The following NAA38 variants were observed in gnomAD, a reference collection of about 807,000 sequenced individuals.
NAA38 encodes the protein N-alpha-acetyltransferase 38, NatC auxiliary subunit.
A neutral mutation model predicts 12.6 loss-of-function variants in NAA38; 15 were observed. The observed-to-expected ratio is 1.19, with a 90% confidence interval of 0.79 to 1.83. The LOEUF (loss-of-function observed/expected upper bound fraction) is 1.83, where lower values mean the gene tolerates loss of function less well. Among genes scored for constraint, NAA38 ranks in the 40% most tolerant of loss-of-function variants. The probability of loss-of-function intolerance (pLI) is 0.00; values close to 1 mark genes in which losing one functional copy is unlikely to be tolerated. For missense variants in NAA38, 183 were observed against 171.7 expected, an observed-to-expected ratio of 1.07 and a Z score of -0.37; for synonymous variants, 88 against 69.9, an observed-to-expected ratio of 1.26 and a Z score of -1.29.
chr17:7,883,833 CA>C (rs111435916), intron 1 of NAA38, among the ~76,000 whole-genome samples: 211 of 116,588 alleles, frequency 1.8e-3, no homozygotes, highest in Admixed American at 1.6e-3. Flanking sequence ...CTGAAGTATT[CA>C]AAAAAAAAAA....
Position 7,857,008 on chromosome 17 carries a change from C to A in NAA38, c.265+7G>T. 1.2e-6 allele frequency: 2 copies of A among 1,601,858 alleles called. No individual in the cohort carries two copies. The highest frequency in any genetic ancestry group is 1.7e-6 in the Non-Finnish European group (2 of 1,171,534). ...ACCAGGCGGGTGTGCATTCCCCGGG[C>A]ACTGACCCGACGGCTTGAGGAACTC... On this transcript the variant is annotated splice_region_variant and intron_variant, in intron 2 of 2. Transcript: ENST00000575771.
At chr17:7,881,249 G>C (rs1217383361) in intron 2 of NAA38, among the ~76,000 whole-genome samples, 3 of 137,282 alleles carry the variant, frequency 2.2e-5, no homozygotes, top group Non-Finnish European at 4.7e-5. Context: ...CCATAAGTAT[G>C]TACTACCTAT....
intron 2 of NAA38, among the ~76,000 whole-genome samples, chr17:7,879,529 G>A (rs1202319187): frequency 6.6e-6 from 1 of 151,508 alleles, no homozygotes; most frequent in African/African-American, 2.4e-5. Flanking sequence ...TCTTGCTTTT[G>A]CGTTAAATAA....
intron 3 of NAA38, among the ~76,000 whole-genome samples, chr17:7,866,290 A>C (rs1358911605): frequency 2.1e-5 from 1 of 47,734 alleles, no homozygotes; most frequent in Admixed American, 2.2e-4. Flanking sequence ...TGGTATTTTT[A>C]GTAGAGACGG....
upstream of NAA38, chr17:7,859,483 C>T (rs760060557): frequency 8.7e-6 from 14 of 1,614,138 alleles, no homozygotes; most frequent in East Asian, 2.9e-4. Flanking sequence ...AGAACCTGAA[C>T]ATGGATTTTA....
chr17:7,865,050 A>G (rs370677349), intron 3 of NAA38: 1 of 152,216 alleles, frequency 6.6e-6, no homozygotes, highest in East Asian at 1.9e-4. Flanking sequence ...GTACATACAC[A>G]TACCTATATA....
At chr17:7,884,847 A>C (rs1484050219) in intron 1 of NAA38, 2 of 1,049,036 alleles carry the variant, frequency 1.9e-6, no homozygotes, top group East Asian at 6.6e-5. Context: ...GAGGAGGAGG[A>C]GATGGTGGTG....
chr17:7,875,852 G>C (rs551859496), intron 2 of NAA38, among the ~76,000 whole-genome samples: 10 of 152,182 alleles, frequency 6.6e-5, no homozygotes, highest in Admixed American at 2.0e-4. Context: ...AGATCTACTA[G>C]TTGCCTATTC....
intron 3 of NAA38, chr17:7,864,210 C>T (rs918467328): frequency 1.3e-5 from 2 of 152,090 alleles, no homozygotes; most frequent in African/African-American, 2.4e-5. Context: ...TGATCTTTAT[C>T]CTGGAAGCCA....
chr17:7,857,733 G>C, upstream of NAA38: 1 of 1,284,070 alleles, frequency 7.8e-7, no homozygotes, highest in East Asian at 3.1e-5. Context: ...CTGGAATTTA[G>C]CGAGAATACA....
Position 7,866,129 on chromosome 17 carries a change from C to T in NAA38, c.3+362G>A, listed in dbSNP as rs564672412. ...TGAGACGGAGTCTCGCTCTGTTGCC[C>T]AGGCTGGAGTGCAGCGGCACGATCT... On this transcript the variant is annotated intron_variant, in intron 3 of 4. Transcript: ENST00000576861. The T allele has an allele frequency of 6.3e-3, 1,047 of 166,220 alleles. 6 individuals carry two copies. Among genetic ancestry groups the T allele is most frequent in the Non-Finnish European group, 9.4e-3 (740 of 78,908 alleles). The allele number at this position is 166,220 out of a possible 1,614,324, so 10.3% of individuals were successfully genotyped here.
upstream of NAA38, chr17:7,858,917 G>A (rs1407045998): frequency 4.2e-6 from 5 of 1,177,654 alleles, no homozygotes; most frequent in South Asian, 1.7e-5. Flanking sequence ...TTCCATAACC[G>A]GTGGGAGTGT....
intron 2 of NAA38, among the ~76,000 whole-genome samples, chr17:7,869,498 A>G (rs1967046951): frequency 1.3e-5 from 2 of 152,212 alleles, no homozygotes; most frequent in African/African-American, 4.8e-5. Flanking sequence ...GCGGTGGCTC[A>G]TGCCTATAAT....
chr17:7,865,721 T>C (rs1421620762), intron 3 of NAA38: 2 of 152,118 alleles, frequency 1.3e-5, no homozygotes, highest in Non-Finnish European at 2.9e-5. Context: ...GAGACATAAT[T>C]GTGGGCATAT....
chr17:7,879,974 A>G (rs1967242628), intron 2 of NAA38, among the ~76,000 whole-genome samples: 2 of 152,108 alleles, frequency 1.3e-5, no homozygotes, highest in African/African-American at 4.8e-5. Context: ...AAGGCAGGCA[A>G]AATCACCAAA....
Position 7,856,727 on chromosome 17 carries a change from G to T in NAA38, c.*4C>A. 6.2e-7 allele frequency: 1 copy of T among 1,610,008 alleles called. No individual in the cohort carries two copies. Among genetic ancestry groups the T allele is most frequent in the East Asian group, 2.2e-5 (1 of 44,856 alleles). On this transcript the variant is annotated 3_prime_UTR_variant, in exon 3 of 3. Transcript: ENST00000575771. ...TGAAGTCTGAAAGGTAAGCGCCATC[G>T]TGGTCAGAGATACGGAGGCCCGGTC...
chr17:7,867,921 G>GTCC lies in NAA38; in HGVS notation c.-65-1364_-65-1363insGGA, dbSNP rs1051938055. The stretch of plus-strand genomic sequence containing the variant: ...ACCCGTGTCTGGCCTGGATGACTAG[G>GTCC]AGGATGGTGAGTCCACTGGCAGAAA... On this transcript the variant is annotated intron_variant, in intron 2 of 4. Transcript: ENST00000576861. Among the ~76,000 whole-genome samples, 5 of 152,352 alleles carry GTCC rather than the reference G, an allele frequency of 3.3e-5. No homozygotes were observed. The East Asian group carries it at 7.7e-4, about 24-fold the overall frequency.
chr17:7,857,859 C>T (rs1195777767), upstream of NAA38: 6 of 1,378,886 alleles, frequency 4.4e-6, no homozygotes, highest in African/African-American at 2.9e-5. Flanking sequence ...CTCTGCCCCA[C>T]CCCGCAACTC....
intron 2 of NAA38, among the ~76,000 whole-genome samples, chr17:7,878,621 G>C (rs965491492): frequency 6.6e-6 from 1 of 152,154 alleles, no homozygotes; most frequent in Admixed American, 6.5e-5. Context: ...AGCTACTCGG[G>C]AGGCTGAGGC....
Sources: allele counts gnomAD v4.1 joint callset (sites outside exome capture counted in the v4.1 genomes callset), GRCh38; gene constraint gnomAD v4.1.1; transcripts MANE v1.5; gene names NCBI Gene and HGNC (gene_info 2026-07-23, HGNC 2026-07-21).